Variants in SLC25A42 observed in about 807,000 individuals in gnomAD.
SLC25A42 encodes the protein mitochondrial coenzyme A transporter SLC25A42.
A neutral mutation model predicts 34.7 loss-of-function variants in SLC25A42; 19 were observed. The ratio of observed to expected loss-of-function variants is 0.55; its 90% CI spans 0.38 to 0.80. The LOEUF is 0.80. SLC25A42 is among the 30% of genes least tolerant of loss of function. SLC25A42 has a pLI of 0.00. For missense variants in SLC25A42, 364 were observed against 441.3 expected (o/e 0.82, Z 1.57); for synonymous variants, 205 against 191.2 (o/e 1.07, Z -0.59).
chr19:19,083,444 A>T (rs756748268), intron 1 of SLC25A42, among the ~76,000 whole-genome samples: 2 of 152,250 alleles, frequency 1.3e-5, no homozygotes, highest in Non-Finnish European at 2.9e-5. Flanking sequence ...AACGCAGCCC[A>T]TTATGGTGGT....
intron 6 of SLC25A42, chr19:19,106,894 C>T (rs1222769600): frequency 2.1e-5 from 3 of 141,666 alleles, no homozygotes; most frequent in Non-Finnish European, 3.0e-5. Context: ...GATCGAGCCA[C>T]TGCACTCCAG....
rs74254008 is a variant in SLC25A42, at chr19:19,087,577, C to T, written c.-34-8514C>T. 9.2e-5 allele frequency among the ~76,000 whole-genome samples: 14 copies of T among 152,308 alleles called. No homozygotes were observed. In the East Asian group the frequency reaches 1.2e-3, roughly 13 times the overall value. On this transcript the variant is annotated intron_variant, in intron 1 of 7. Coordinates refer to ENST00000318596, the MANE Select transcript of SLC25A42 (RefSeq NM_178526.5). The stretch of plus-strand genomic sequence containing the variant: ...TGCTGGGATTACAGGTGTGAGCCAC[C>T]GTGCCCAGCTGTCCCCATGGTTCTT...
At chr19:19,092,413 T>C (rs140619195) in intron 1 of SLC25A42, among the ~76,000 whole-genome samples, 55 of 152,316 alleles carry the variant, frequency 3.6e-4, no homozygotes, top group African/African-American at 1.3e-3. Flanking sequence ...ACTTTGTCTA[T>C]GTCTGTGGGT....
At chr19:19,107,781 C>T (rs1287462005) in intron 6 of SLC25A42, 113 bp from the exon 7 acceptor site, 1 of 1,009,606 alleles carries the variant, frequency 9.9e-7, no homozygotes, top group Non-Finnish European at 1.5e-6. Context: ...AAAACATCAA[C>T]ATCCAGACAC....
chr19:19,096,048 T>G, intron 1 of SLC25A42, 43 bp from the exon 2 acceptor site: 1 of 1,320,664 alleles, frequency 7.6e-7, no homozygotes, highest in Non-Finnish European at 1.1e-6. Context: ...CCACCATCTC[T>G]CAGGATCTCG....
In SLC25A42 at chr19:19,105,540, G is replaced by A. The variant is rs367596755; in HGVS notation, c.214-21G>A. The A allele has an allele frequency of 4.4e-6, 7 of 1,602,290 alleles. No homozygotes were observed. The African/African-American group carries it at 9.4e-5, about 21-fold the overall frequency. On this transcript the variant is annotated intron_variant, in intron 4 of 7. Transcript: ENST00000318596. ...GGGCAGGCAGAGGCAGAGGGATGTT[G>A]ACCTTCCCGCTTATCTCCAGGAGGC... is the stretch of plus-strand genomic sequence containing the variant.
chr19:19,107,038 C>T (rs901991226), intron 6 of SLC25A42: 1 of 151,686 alleles, frequency 6.6e-6, no homozygotes, highest in Non-Finnish European at 1.5e-5. Flanking sequence ...GGGCTTGGGC[C>T]CAGGTGCGGT....
intron 1 of SLC25A42, among the ~76,000 whole-genome samples, chr19:19,085,755 G>A (rs981716190): frequency 1.3e-5 from 2 of 152,136 alleles, no homozygotes; most frequent in Non-Finnish European, 2.9e-5. Context: ...AGGCCCTGGA[G>A]GAAGGAAGGC....
Position 19,104,010 on chromosome 19 carries a change from G to A in SLC25A42, c.188-903G>A, listed in dbSNP as rs571700680. ...CAACCTCCACCTCCTGGATTTAAGC[G>A]ATACTCCTGCCTTACCCTCCCGAGT... On this transcript the variant is annotated intron_variant, in intron 3 of 7. Coordinates refer to ENST00000318596, the MANE Select transcript of SLC25A42 (RefSeq NM_178526.5). Among the ~76,000 whole-genome samples, 9 of 152,076 alleles carry A rather than the reference G, an allele frequency of 5.9e-5. No homozygotes were observed. In the South Asian group the frequency reaches 8.3e-4, roughly 14 times the overall value.
rs1568526336 is a variant in SLC25A42, at chr19:19,109,016, G to T, written c.649+971G>T. 6.6e-6 allele frequency among the ~76,000 whole-genome samples: 1 copy of T among 151,822 alleles called. No individual in the cohort carries two copies. The highest frequency in any genetic ancestry group is 1.5e-5 in the Non-Finnish European group (1 of 67,948). On this transcript the variant is annotated intron_variant, in intron 7 of 7. Transcript: ENST00000318596. The surrounding 1 kb of genome is among the most constrained non-coding windows in gnomAD (Gnocchi z 4.1). ...CCTGAGGCCTCTTATTAGAAGTGAG[G>T]GTTGCACCCCTCAAGACTGCTTTGA...
chr19:19,105,074 C>A, intron 4 of SLC25A42, 136 bp downstream of exon 4: 2 of 1,079,958 alleles, frequency 1.9e-6, no homozygotes, highest in Non-Finnish European at 2.8e-6. Context: ...CCCAGCTCTG[C>A]CTGGACACAG....
intron 2 of SLC25A42, among the ~76,000 whole-genome samples, chr19:19,101,461 C>T (rs919868262): frequency 5.9e-5 from 9 of 152,196 alleles, no homozygotes; most frequent in Admixed American, 1.3e-4. Context: ...GTCAGGTGCA[C>T]ACAGGCTGTG....
chr19:19,097,264 C>T (rs377450214), intron 2 of SLC25A42, among the ~76,000 whole-genome samples: 31 of 152,322 alleles, frequency 2.0e-4, no homozygotes, highest in African/African-American at 7.2e-4. Flanking sequence ...TTCCAGGCCT[C>T]CCGACCTTTC....
intron 1 of SLC25A42, among the ~76,000 whole-genome samples, chr19:19,069,210 C>G (rs2059617367): frequency 6.6e-6 from 1 of 152,198 alleles, no homozygotes. Flanking sequence ...TTTGCTACTA[C>G]CATCTTGGGC....
At chr19:19,092,922 G>A (rs965420990) in intron 1 of SLC25A42, among the ~76,000 whole-genome samples, 20 of 152,154 alleles carry the variant, frequency 1.3e-4, no homozygotes, top group African/African-American at 4.6e-4. Context: ...TGAAACAGAC[G>A]CAGTGCATCC....
chr19:19,110,397 G>A (rs957411651), intron 7 of SLC25A42, among the ~76,000 whole-genome samples, 172 bp from the exon 8 acceptor site: 3 of 152,232 alleles, frequency 2.0e-5, no homozygotes, highest in African/African-American at 7.2e-5. Flanking sequence ...GCGACCCGGA[G>A]GTGAGGCAGT....
chr19:19,077,762 C>T (rs907862655), intron 1 of SLC25A42, among the ~76,000 whole-genome samples: 1 of 152,136 alleles, frequency 6.6e-6, no homozygotes, highest in East Asian at 1.9e-4. Flanking sequence ...TGGTGCACAC[C>T]TGTAATCCCA....
intron 1 of SLC25A42, among the ~76,000 whole-genome samples, chr19:19,082,835 T>C (rs1053546902): frequency 6.6e-6 from 1 of 151,598 alleles, no homozygotes; most frequent in Non-Finnish European, 1.5e-5. Flanking sequence ...TTGTTGTTGT[T>C]GAGATGGAGT....
chr19:19,069,701 C>T (rs1247435930), intron 1 of SLC25A42, among the ~76,000 whole-genome samples: 1 of 152,176 alleles, frequency 6.6e-6, no homozygotes, highest in East Asian at 1.9e-4. Context: ...GTTGTTCACG[C>T]TGGAGTGCAG....
Sources: gnomAD v4.1 joint callset for allele counts (sites outside exome capture counted in the v4.1 genomes callset) on GRCh38, gnomAD v4.1.1 for gene constraint, Gnocchi (gnomAD v3.1) non-coding constraint, MANE v1.5 for transcripts, NCBI Gene and HGNC (gene_info 2026-07-23, HGNC 2026-07-21) for gene names.